Variants in DNAH8 observed in about 807,000 individuals in gnomAD.
DNAH8 encodes the protein dynein axonemal heavy chain 8.
In DNAH8, 382 loss-of-function variants were observed where a neutral mutation model predicts 562.1. The observed-to-expected ratio is 0.68, with a 90% CI of 0.63 to 0.74. The LOEUF (loss-of-function observed/expected upper bound fraction) is 0.74. Among genes scored for constraint, DNAH8 ranks in the 30% least tolerant of loss-of-function variants. The pLI, the probability that DNAH8 is intolerant of heterozygous loss-of-function variation, is 0.00. For missense variants in DNAH8, 5,203 were observed against 5,620.4 expected (o/e 0.93, Z 2.37); for synonymous variants, 1,881 against 1,919.4 (o/e 0.98, Z 0.52).
At chr6:38,829,935 G>C (rs1422953326) in intron 30 of DNAH8, among the ~76,000 whole-genome samples, 1 of 152,124 alleles carries the variant, frequency 6.6e-6, no homozygotes, top group African/African-American at 2.4e-5. Context: ...TAGGTTGCCT[G>C]TTCACTCTGC....
In DNAH8 at chr6:38,873,298, C is replaced by T. The variant is rs1777613647; in HGVS notation, c.7542C>T (p.Val2514=). 1 of 1,613,692 alleles carries T rather than the reference C, an allele frequency of 6.2e-7. No homozygotes were observed. The highest frequency in any genetic ancestry group is 1.3e-5 in the African/African-American group (1 of 74,914). ...AAVFLTLYEK[V]FEDTYTYMKL... Reference sequence around the variant, plus strand: ...TATTCCTGACACTGTATGAGAAAGTCTTTGAAGATACATACACATATATGA... The same window carrying T: ...TATTCCTGACACTGTATGAGAAAGTTTTTGAAGATACATACACATATATGA... The change falls in exon 52 of 93, where the codon GTC becomes GTT. Residue 2514 remains valine (V), a synonymous_variant. Coordinates refer to ENST00000327475, the MANE Select transcript of DNAH8 (RefSeq NM_001206927.2).
Position 38,715,942 on chromosome 6 carries a change from ATATATATATATATATATATTTTT to A in DNAH8, c.-35+529_-35+551del, listed in dbSNP as rs1367224281. On this transcript the variant is annotated intron_variant, in intron 1 of 92. Transcript: ENST00000327475. ...AATAAATAAATATATATATATATAT[ATATATATATATATATATATTTTT>A]TTTTTTTTTTTGAGACGGAGTCTCA... 3.7e-4 allele frequency among the ~76,000 whole-genome samples: 5 copies of A among 13,682 alleles called. 1 individual carries two copies. Among genetic ancestry groups the A allele is most frequent in the East Asian group, 2.0e-3 (1 of 488 alleles). The allele number at this position is 13,682 out of a possible 152,430, so 9.0% of individuals were successfully genotyped here.
At chr6:38,985,149 C>G (rs1764301666) in intron 87 of DNAH8, among the ~76,000 whole-genome samples, 1 of 152,126 alleles carries the variant, frequency 6.6e-6, no homozygotes, top group Non-Finnish European at 1.5e-5. Context: ...CAAATAAAAT[C>G]CACATATAAC....
At chr6:38,862,239 C>A (rs751595116) in intron 43 of DNAH8, 41 bp from the exon 44 acceptor site, 3 of 1,575,034 alleles carry the variant, frequency 1.9e-6, no homozygotes, top group Admixed American at 3.6e-5. Context: ...TGTAACGTGT[C>A]ATCCCATACT....
chr6:38,868,743 T>A (rs1777255872), intron 48 of DNAH8, among the ~76,000 whole-genome samples: 1 of 151,506 alleles, frequency 6.6e-6, no homozygotes, highest in Non-Finnish European at 1.5e-5. Context: ...CAATCTTGGC[T>A]CACTGCAACC....
chr6:38,912,639 A>T (rs1023038160), intron 66 of DNAH8, among the ~76,000 whole-genome samples: 1 of 152,154 alleles, frequency 6.6e-6, no homozygotes, highest in Non-Finnish European at 1.5e-5. Context: ...GCTGAAGCCA[A>T]CTCATAGTGG....
At chr6:38,913,473 C>T (rs1781061934) in intron 66 of DNAH8, among the ~76,000 whole-genome samples, 1 of 152,106 alleles carries the variant, frequency 6.6e-6, no homozygotes. Flanking sequence ...ATTTCATTTG[C>T]CACCTCAGCT....
intron 12 of DNAH8, among the ~76,000 whole-genome samples, chr6:38,771,985 G>A (rs1444385935): frequency 1.3e-5 from 2 of 150,848 alleles, no homozygotes; most frequent in Admixed American, 1.3e-4. Flanking sequence ...CAAAGTAGCT[G>A]CATCATTTTG....
chr6:38,895,564 GC>G (rs1394546306), intron 59 of DNAH8, among the ~76,000 whole-genome samples: 2 of 152,132 alleles, frequency 1.3e-5, no homozygotes, highest in African/African-American at 2.4e-5. Context: ...ATCTTTTGGA[GC>G]CTCCATTCCC....
intron 29 of DNAH8, 94 bp downstream of exon 29, chr6:38,826,485 T>C: frequency 1.2e-6 from 1 of 802,112 alleles, no homozygotes; most frequent in Non-Finnish European, 2.0e-6. Flanking sequence ...AACATATTCA[T>C]CTATTATGTA....
At chr6:38,838,393 C>T (rs1196170787) in intron 33 of DNAH8, among the ~76,000 whole-genome samples, 1 of 150,792 alleles carries the variant, frequency 6.6e-6, no homozygotes, top group Non-Finnish European at 1.5e-5. Flanking sequence ...ACCTTCCTGG[C>T]TCCCCTTGCC....
chr6:39,002,072 T>C (rs994785177), intron 88 of DNAH8, among the ~76,000 whole-genome samples: 2 of 152,032 alleles, frequency 1.3e-5, no homozygotes, highest in African/African-American at 4.8e-5. Flanking sequence ...AGGAGAGGGA[T>C]AAGGGAGAAC....
chr6:38,878,757 C>T (rs576710136), intron 53 of DNAH8, among the ~76,000 whole-genome samples: 99 of 152,102 alleles, frequency 6.5e-4, no homozygotes, highest in African/African-American at 2.2e-3. Context: ...AAACTACCAG[C>T]CATCATCAAG....
In DNAH8 at chr6:38,862,312, T is replaced by C. The variant is rs1776699874; in HGVS notation, c.6164T>C (p.Met2055Thr). Residue 2055 changes from methionine to threonine, a missense_variant, in exon 44 of 93, where the codon ATG becomes ACG. By Grantham distance (81) the Met-to-Thr change is moderately conservative (BLOSUM62 -1). This residue lies in a region of DNAH8 where 2,176 missense variants were observed against 2,365.1 expected (regional missense o/e 0.92). Transcript: ENST00000327475. Reference sequence around the variant, plus strand: ...ATCACGTTAGCTCAGGCCTTGGGCATGAACATGGGAGGTGCTCCCGCAGGA... The same window carrying C: ...ATCACGTTAGCTCAGGCCTTGGGCACGAACATGGGAGGTGCTCCCGCAGGA... Reference protein sequence around the residue: ...CYITLAQALGMNMGGAPAGPA... With the variant: ...CYITLAQALGTNMGGAPAGPA... 1 of 1,613,994 alleles carries C rather than the reference T, an allele frequency of 6.2e-7. No individual in the cohort carries two copies. The highest frequency in any genetic ancestry group is 8.5e-7 in the Non-Finnish European group (1 of 1,179,938).
chr6:38,734,667 A>G, intron 5 of DNAH8, 42 bp downstream of exon 5: 2 of 1,595,092 alleles, frequency 1.3e-6, no homozygotes, highest in Non-Finnish European at 1.7e-6. Context: ...TAAACATTGA[A>G]TATATTTTTG....
chr6:38,926,257 C>T, intron 74 of DNAH8, 47 bp downstream of exon 74: 1 of 1,584,876 alleles, frequency 6.3e-7, no homozygotes, highest in South Asian at 1.1e-5. Flanking sequence ...AATCATGAAA[C>T]TCTTTCAAAA....
intron 9 of DNAH8, among the ~76,000 whole-genome samples, chr6:38,752,460 A>G (rs1765549570): frequency 6.6e-6 from 1 of 152,220 alleles, no homozygotes; most frequent in South Asian, 2.1e-4. Context: ...CATCGGGCCC[A>G]ACACTTTCAA....
chr6:38,751,175 G>C (rs556729272), intron 9 of DNAH8, among the ~76,000 whole-genome samples: 5 of 152,170 alleles, frequency 3.3e-5, no homozygotes, highest in Non-Finnish European at 7.4e-5. Context: ...ACTGGGGAGA[G>C]TCTTCTTCTC....
chr6:38,766,911 C>T (rs1767060485), intron 11 of DNAH8, among the ~76,000 whole-genome samples: 1 of 152,074 alleles, frequency 6.6e-6, no homozygotes, highest in Non-Finnish European at 1.5e-5. Context: ...TAGAAATCAT[C>T]TGTTAAGCAT....
Sources: allele counts gnomAD v4.1 joint callset (sites outside exome capture counted in the v4.1 genomes callset), GRCh38; gene constraint gnomAD v4.1.1; regional missense constraint gnomAD v4.1.1; transcripts MANE v1.5; gene names NCBI Gene and HGNC (gene_info 2026-07-23, HGNC 2026-07-21).